KCNIP3: variants seen among roughly 807,000 people sequenced by gnomAD.
KCNIP3 encodes the protein potassium voltage-gated channel interacting protein 3.
KCNIP3 carries 28 observed loss-of-function variants against 35.0 expected under a neutral mutation model. The ratio of observed to expected loss-of-function variants is 0.80; its 90% CI spans 0.59 to 1.10. The LOEUF is 1.10. Ranked by LOEUF, KCNIP3 falls within the 50% of genes least tolerant of loss-of-function variation. The probability of loss-of-function intolerance (pLI) is 0.00; values close to 1 mark genes in which losing one functional copy is unlikely to be tolerated. For synonymous variants in KCNIP3, 134 were observed against 133.8 expected, an observed-to-expected ratio of 1.00 and a Z score of -0.01; for missense variants, 295 against 338.4, an observed-to-expected ratio of 0.87 and a Z score of 1.01.
chr2:95,370,308 C>A (rs1181836672), intron 2 of KCNIP3, among the ~76,000 whole-genome samples: 1 of 152,230 alleles, frequency 6.6e-6, no homozygotes, highest in Non-Finnish European at 1.5e-5. Context: ...TCTTCACAGA[C>A]TTTATTTTAG....
At chr2:95,379,364 C>G (rs1180837747) in intron 5 of KCNIP3, among the ~76,000 whole-genome samples, 2 of 152,234 alleles carry the variant, frequency 1.3e-5, no homozygotes, top group East Asian at 3.8e-4. Flanking sequence ...ATTATTCATT[C>G]AAGCCCAGGC....
chr2:95,343,973 G>A (rs1050926452), intron 2 of KCNIP3, among the ~76,000 whole-genome samples: 3 of 105,738 alleles, frequency 2.8e-5, no homozygotes, highest in African/African-American at 1.2e-4. Context: ...TAGTCATCCT[G>A]AGGACTTCAG....
intron 1 of KCNIP3, chr2:95,303,203 G>A (rs1409795794): frequency 6.6e-6 from 1 of 152,358 alleles, no homozygotes; most frequent in Non-Finnish European, 1.5e-5. Flanking sequence ...TCCTCAAGAC[G>A]AAGCTGTGCC....
intron 2 of KCNIP3, among the ~76,000 whole-genome samples, chr2:95,338,104 G>C (rs1177625695): frequency 6.6e-6 from 1 of 152,148 alleles, no homozygotes; most frequent in Non-Finnish European, 1.5e-5. Flanking sequence ...CCGAGGCATC[G>C]GCACAGCCAG....
rs1388367258 is a variant in KCNIP3 at position 95,377,136 on chromosome 2, G to A, written c.447+1928G>A. On this transcript the variant is annotated intron_variant, in intron 5 of 8. Coordinates refer to ENST00000295225, the MANE Select transcript of KCNIP3 (RefSeq NM_013434.5). The surrounding 1 kb of genome is among the most constrained non-coding windows in gnomAD (Gnocchi z 4.7). Reference sequence around the variant, plus strand: ...CAGCAGGGAGCCCCAGGTGAGCAGCGCCACACACAGATTTGCTGAACGCTC... The same window carrying A: ...CAGCAGGGAGCCCCAGGTGAGCAGCACCACACACAGATTTGCTGAACGCTC... Among the ~76,000 whole-genome samples the A allele has an allele frequency of 6.6e-6, 1 of 152,148 alleles. No homozygotes were observed. Among genetic ancestry groups the A allele is most frequent in the African/African-American group, 2.4e-5 (1 of 41,440 alleles).
rs754043867 is a variant in KCNIP3, at chr2:95,375,219, G to A, written c.447+11G>A. 7.0e-5 allele frequency: 113 copies of A among 1,613,112 alleles called. 1 individual carries two copies. The highest frequency in any genetic ancestry group is 9.0e-5 in the Non-Finnish European group (106 of 1,179,262). Reference sequence around the variant, plus strand: ...GCCATCCACTTTGAGGTAGGTCCTCGCGGATTCCTCCCACGTGTCCTGCCC... The same window carrying A: ...GCCATCCACTTTGAGGTAGGTCCTCACGGATTCCTCCCACGTGTCCTGCCC... On this transcript the variant is annotated intron_variant, in intron 5 of 8. Coordinates refer to ENST00000295225, the MANE Select transcript of KCNIP3 (RefSeq NM_013434.5).
intron 2 of KCNIP3, among the ~76,000 whole-genome samples, chr2:95,368,332 G>T (rs2104293439): frequency 6.6e-6 from 1 of 152,092 alleles, no homozygotes; most frequent in African/African-American, 2.4e-5. Context: ...CAAAAGTGAG[G>T]ATCCAACAGC....
rs1677896651 is a variant in KCNIP3 at position 95,297,520 on chromosome 2, G to T, written c.15+67G>T. 6 of 1,218,978 alleles carry T rather than the reference G, an allele frequency of 4.9e-6. No homozygotes were observed. In the Admixed American group the frequency reaches 6.5e-5, roughly 13 times the overall value. The allele number at this position is 1,218,978 out of a possible 1,614,324, so 75.5% of individuals were successfully genotyped here. On this transcript the variant is annotated intron_variant, in intron 1 of 8. Transcript: ENST00000295225. ...GGGGGGAGGAATGGAGGCTTCTGGG[G>T]GTTGCTCTGGACCAGGAAGCCTTTT...
intron 2 of KCNIP3, among the ~76,000 whole-genome samples, chr2:95,333,553 G>A (rs978727624): frequency 8.5e-5 from 13 of 152,142 alleles, no homozygotes; most frequent in African/African-American, 2.7e-4. Flanking sequence ...CTCAGAGCAC[G>A]TGCTCAGGAT....
chr2:95,357,821 G>A (rs1352921543), intron 2 of KCNIP3, among the ~76,000 whole-genome samples: 1 of 152,228 alleles, frequency 6.6e-6, no homozygotes, highest in African/African-American at 2.4e-5. Context: ...CTGGTGCCCT[G>A]CCTTGCTGGC....
At chr2:95,334,219 C>G (rs1331949883) in intron 2 of KCNIP3, among the ~76,000 whole-genome samples, 1 of 152,230 alleles carries the variant, frequency 6.6e-6, no homozygotes, top group African/African-American at 2.4e-5. Flanking sequence ...GTGCTTCCTG[C>G]ATACACTCTG....
intron 1 of KCNIP3, 193 bp from the exon 2 acceptor site, chr2:95,310,162 G>A: frequency 1.4e-6 from 1 of 709,852 alleles, no homozygotes; most frequent in Non-Finnish European, 2.6e-6. Flanking sequence ...TAGCCAGGGT[G>A]TAGAGTGAAA....
chr2:95,314,467 C>T, intron 2 of KCNIP3, among the ~76,000 whole-genome samples: 1 of 152,172 alleles, frequency 6.6e-6, no homozygotes, highest in East Asian at 1.9e-4. Context: ...GATCCAAACC[C>T]CCATTCCTGA....
intron 2 of KCNIP3, among the ~76,000 whole-genome samples, chr2:95,373,090 C>T (rs1033840350): frequency 6.6e-6 from 1 of 152,150 alleles, no homozygotes; most frequent in African/African-American, 2.4e-5. Context: ...CAGCAGCCAG[C>T]ACCAGAGTAC....
rs575916175 is a variant in KCNIP3, at chr2:95,299,812, G to A, written c.15+2359G>A. ...CCCAGGCTGCACTGGGAAGAAAGGG[G>A]CTCTGCCTCAGCCCTCCAGGTAGAG... On this transcript the variant is annotated intron_variant, in intron 1 of 8. Coordinates refer to ENST00000295225, the MANE Select transcript of KCNIP3 (RefSeq NM_013434.5). 2.0e-5 allele frequency among the ~76,000 whole-genome samples: 3 copies of A among 152,348 alleles called. No homozygotes were observed. In the South Asian group the frequency reaches 6.2e-4, roughly 32 times the overall value.
intron 1 of KCNIP3, among the ~76,000 whole-genome samples, chr2:95,299,520 G>A (rs891879492): frequency 7.9e-5 from 12 of 152,134 alleles, no homozygotes; most frequent in Admixed American, 7.2e-4. Flanking sequence ...ATGGGGAGGC[G>A]GGGAGGCACT....
In KCNIP3 at chr2:95,383,266, T is replaced by C. The variant is rs1418235060; in HGVS notation, c.695T>C (p.Ile232Thr). ...CGGAACCAGGATGGGGTAGTGACCA[T>C]TGAAGAGTTCCTGGAGGCCTGTCAG... The part of the protein sequence containing the change: ...MDRNQDGVVT[I>T]EEFLEACQKD... Residue 232 changes from isoleucine to threonine, a missense_variant, in exon 8 of 9, where the codon ATT (isoleucine) becomes ACT (threonine). Physicochemically the swap from Ile to Thr is moderately conservative, Grantham distance 89 (BLOSUM62 -1). Coordinates refer to ENST00000295225, the MANE Select transcript of KCNIP3 (RefSeq NM_013434.5). 7.4e-6 allele frequency: 12 copies of C among 1,613,760 alleles called. No individual in the cohort carries two copies. The highest frequency in any genetic ancestry group is 9.3e-6 in the Non-Finnish European group (11 of 1,179,848).
intron 1 of KCNIP3, among the ~76,000 whole-genome samples, chr2:95,302,411 G>C (rs1678060011): frequency 6.6e-6 from 1 of 152,354 alleles, no homozygotes; most frequent in South Asian, 2.1e-4. Context: ...GAGTAGCCCA[G>C]CCCTCTCTGC....
At chr2:95,334,255 CG>C (rs906014141) in intron 2 of KCNIP3, among the ~76,000 whole-genome samples, 6 of 152,106 alleles carry the variant, frequency 3.9e-5, no homozygotes, top group African/African-American at 4.8e-5. Flanking sequence ...CCTAGACTGG[CG>C]GGGGGGTTAG....
Sources: allele counts gnomAD v4.1 joint callset (sites outside exome capture counted in the v4.1 genomes callset), GRCh38; gene constraint gnomAD v4.1.1; non-coding constraint Gnocchi (gnomAD v3.1); transcripts MANE v1.5; gene names NCBI Gene and HGNC (gene_info 2026-07-23, HGNC 2026-07-21).